PELI2: variants seen among roughly 807,000 people sequenced by gnomAD.
PELI2 encodes the protein E3 ubiquitin-protein ligase pellino homolog 2.
In PELI2, 23 loss-of-function variants were observed where a neutral mutation model predicts 42.3. The observed-to-expected ratio is 0.54, with a 90% CI of 0.39 to 0.77. The LOEUF (loss-of-function observed/expected upper bound fraction) is 0.77. Among genes scored for constraint, PELI2 ranks in the 30% least tolerant of loss-of-function variants. The pLI is 0.00. For missense variants in PELI2, 463 were observed against 553.2 expected (o/e 0.84, Z 1.64); for synonymous variants, 245 against 212.2 (o/e 1.15, Z -1.34).
At chr14:56,264,357 T>C (rs1163737762) in intron 2 of PELI2, among the ~76,000 whole-genome samples, 1 of 152,172 alleles carries the variant, frequency 6.6e-6, no homozygotes, top group African/African-American at 2.4e-5. Context: ...TGTTAGATTA[T>C]CATTGTTCAG....
intron 4 of PELI2, among the ~76,000 whole-genome samples, chr14:56,289,625 C>T (rs771162352): frequency 1.3e-5 from 2 of 152,092 alleles, no homozygotes; most frequent in African/African-American, 4.8e-5. Flanking sequence ...CAACCCCCGC[C>T]CCAGCCACAT....
intron 2 of PELI2, among the ~76,000 whole-genome samples, chr14:56,279,113 T>C (rs896760011): frequency 6.6e-6 from 1 of 152,194 alleles, no homozygotes; most frequent in African/African-American, 2.4e-5. Context: ...AATATCTGAC[T>C]TAACTAGTTG....
chr14:56,203,406 G>C (rs1886405821), intron 2 of PELI2, among the ~76,000 whole-genome samples: 1 of 152,018 alleles, frequency 6.6e-6, no homozygotes, highest in Non-Finnish European at 1.5e-5. Context: ...AAAAAGGTAT[G>C]TTTTTTGCAA....
intron 2 of PELI2, among the ~76,000 whole-genome samples, chr14:56,257,563 C>CAG (rs5808851): frequency 1 from 152,261 of 152,308 alleles, 76,107 homozygotes; most frequent in Middle Eastern, 1. Flanking sequence ...CACAGAGGAA[C>CAG]AGAAGAGATT....
intron 1 of PELI2, among the ~76,000 whole-genome samples, chr14:56,142,839 TA>T (rs1473465552): frequency 6.6e-6 from 1 of 152,180 alleles, no homozygotes; most frequent in African/African-American, 2.4e-5. Flanking sequence ...TAGATCTTTT[TA>T]AACTACAGCT....
At chr14:56,276,581 G>A (rs1019406666) in intron 2 of PELI2, among the ~76,000 whole-genome samples, 2 of 152,130 alleles carry the variant, frequency 1.3e-5, no homozygotes, top group Non-Finnish European at 2.9e-5. Context: ...TGCTAGTTCC[G>A]AAGTTCCTCA....
intron 2 of PELI2, among the ~76,000 whole-genome samples, chr14:56,231,366 C>G (rs974701943): frequency 6.6e-6 from 1 of 152,194 alleles, no homozygotes; most frequent in Non-Finnish European, 1.5e-5. Flanking sequence ...AAGTAAAGCA[C>G]TCCTCAGCAA....
At chr14:56,210,836 A>G (rs1886687688) in intron 2 of PELI2, among the ~76,000 whole-genome samples, 1 of 152,144 alleles carries the variant, frequency 6.6e-6, no homozygotes, top group Admixed American at 6.5e-5. Context: ...GGACTCAGCT[A>G]TTTCTGTCTG....
At chr14:56,133,182 TC>T (rs1883560062) in intron 1 of PELI2, among the ~76,000 whole-genome samples, 1 of 152,250 alleles carries the variant, frequency 6.6e-6, no homozygotes, top group Admixed American at 6.5e-5. Flanking sequence ...TATATGTGCT[TC>T]TTTTTAAAGT....
At chr14:56,234,019 A>G (rs1316940628) in intron 2 of PELI2, among the ~76,000 whole-genome samples, 4 of 152,254 alleles carry the variant, frequency 2.6e-5, no homozygotes, top group African/African-American at 4.8e-5. Context: ...ATCACTGGCC[A>G]TCAGAGAAAT....
intron 1 of PELI2, among the ~76,000 whole-genome samples, chr14:56,124,833 G>A (rs370864461): frequency 2.0e-5 from 3 of 152,280 alleles, no homozygotes; most frequent in African/African-American, 7.2e-5. Flanking sequence ...AGATGAAAAC[G>A]TGCAGCTACT....
rs12880559 is a variant in PELI2, at chr14:56,219,513, T to G, written c.207+41049T>G. Among the ~76,000 whole-genome samples, 60,546 of 151,732 alleles carry G rather than the reference T, an allele frequency of 0.4. 12,884 individuals are homozygous for G. The highest frequency in any genetic ancestry group is 0.53 in the South Asian group (2,573 of 4,822). ...AGCTATCACAGTCATAGCTCTCTCATCTGAGCAGCCTCTCCCTCAATCTTA... is the reference window on the plus strand; with the variant it reads ...AGCTATCACAGTCATAGCTCTCTCAGCTGAGCAGCCTCTCCCTCAATCTTA... On this transcript the variant is annotated intron_variant, in intron 2 of 5. Transcript: ENST00000267460. The surrounding 1 kb of genome is among the most constrained non-coding windows in gnomAD (Gnocchi z 4.1).
chr14:56,280,248 G>C, intron 3 of PELI2, among the ~76,000 whole-genome samples: 1 of 151,864 alleles, frequency 6.6e-6, no homozygotes, highest in East Asian at 2.0e-4. Context: ...GAGAAAGAAA[G>C]AAGATCAAGG....
chr14:56,215,333 A>C (rs1886867017), intron 2 of PELI2, among the ~76,000 whole-genome samples: 1 of 152,200 alleles, frequency 6.6e-6, no homozygotes, highest in Non-Finnish European at 1.5e-5. Context: ...AGACAACCCT[A>C]TACTGTTGCT....
intron 1 of PELI2, among the ~76,000 whole-genome samples, chr14:56,158,414 T>A (rs1481240615): frequency 6.6e-6 from 1 of 152,164 alleles, no homozygotes. Context: ...TGATCTCGGC[T>A]CCCTGCAACC....
At chr14:56,238,552 T>C (rs1887872447) in intron 2 of PELI2, among the ~76,000 whole-genome samples, 1 of 152,166 alleles carries the variant, frequency 6.6e-6, no homozygotes, top group Admixed American at 6.5e-5. Context: ...AATAAAACCC[T>C]CATCCCTCCG....
At chr14:56,145,474 G>A (rs913030755) in intron 1 of PELI2, among the ~76,000 whole-genome samples, 1 of 152,176 alleles carries the variant, frequency 6.6e-6, no homozygotes, top group East Asian at 1.9e-4. Context: ...GTGAATGACA[G>A]ATCTGTTTCA....
At chr14:56,129,047 T>C (rs1441467016) in intron 1 of PELI2, among the ~76,000 whole-genome samples, 2 of 151,960 alleles carry the variant, frequency 1.3e-5, no homozygotes, top group Non-Finnish European at 2.9e-5. Context: ...GCCTTTGGAA[T>C]TGAAGGGGTG....
intron 2 of PELI2, among the ~76,000 whole-genome samples, chr14:56,270,369 C>T (rs925172735): frequency 2.0e-5 from 3 of 152,148 alleles, no homozygotes; most frequent in African/African-American, 7.2e-5. Context: ...TTGTGAATTC[C>T]TTTAGCCACC....
Sources: gnomAD v4.1 joint callset for allele counts (sites outside exome capture counted in the v4.1 genomes callset) on GRCh38, gnomAD v4.1.1 for gene constraint, Gnocchi (gnomAD v3.1) non-coding constraint, MANE v1.5 for transcripts, NCBI Gene and HGNC (gene_info 2026-07-23, HGNC 2026-07-21) for gene names.